Variants in FCRL4 observed in about 807,000 individuals in gnomAD.
FCRL4 encodes Fc receptor-like protein 4.
Under a neutral mutation model 64.1 loss-of-function variants are expected in FCRL4, and 43 were observed. That is an observed-to-expected ratio of 0.67 (90% CI 0.53 to 0.87). The LOEUF (loss-of-function observed/expected upper bound fraction) is 0.87. Among genes scored for constraint, FCRL4 ranks in the 40% least tolerant of loss-of-function variants. The pLI is 0.00. For synonymous variants in FCRL4, 253 were observed against 239.8 expected, an observed-to-expected ratio of 1.05 and a Z score of -0.51; for missense variants, 656 against 613.5, an observed-to-expected ratio of 1.07 and a Z score of -0.73.
intron 5 of FCRL4, 52 bp from the exon 6 acceptor site, chr1:157,586,507 C>A: frequency 6.5e-7 from 1 of 1,533,920 alleles, no homozygotes; most frequent in Non-Finnish European, 8.8e-7. Context: ...GAGGGCAGGG[C>A]TAGGTAGCTG....
rs777448893 is a variant in FCRL4, at chr1:157,596,343, C to T, written c.37G>A (p.Val13Ile). The part of the protein sequence containing the change: ...LWASLLAFAP[V>I]CGQSAAAHKP... ...AAGGACTTACCAGATTGTCCACAGA[C>T]TGGAGCTGAAAGAGAGTAAAGAGCC... is the stretch of plus-strand genomic sequence containing the variant. The change falls in exon 2 of 12, where the codon GTC becomes ATC. Residue 13 changes from valine to isoleucine, a missense_variant. Coordinates refer to ENST00000271532, the MANE Select transcript of FCRL4 (RefSeq NM_031282.3). 1 of 1,614,014 alleles carries T rather than the reference C, an allele frequency of 6.2e-7. No homozygotes were observed. The highest frequency in any genetic ancestry group is 8.5e-7 in the Non-Finnish European group (1 of 1,179,936).
At chr1:157,596,392 C>T in intron 1 of FCRL4, 44 bp from the exon 2 acceptor site, 2 of 1,612,354 alleles carry the variant, frequency 1.2e-6, no homozygotes, top group Non-Finnish European at 1.7e-6. Context: ...GGCGAAGAGT[C>T]CCGAACTATT....
chr1:157,580,363 AAAGAC>A lies in FCRL4; in HGVS notation c.1250-20_1250-16del. On this transcript the variant is annotated splice_polypyrimidine_tract_variant and intron_variant, in intron 7 of 11. Transcript: ENST00000271532. ...GAAACCAACTCCTGCAAAATAAAGC[AAAGAC>A]GCATTTTTGTCAGCAGAGGGAGCTC... 3 of 1,614,144 alleles carry A rather than the reference AAAGAC, an allele frequency of 1.9e-6. No individual in the cohort carries two copies. Among genetic ancestry groups the A allele is most frequent in the Non-Finnish European group, 2.5e-6 (3 of 1,179,992 alleles).
chr1:157,581,787 T>G (rs1652568104), intron 6 of FCRL4, 143 bp from the exon 7 acceptor site: 636 of 627,540 alleles, frequency 1.0e-3, no homozygotes, highest in East Asian at 1.8e-3. Flanking sequence ...TGGGCCAGGT[T>G]TTGGCCAGAA....
At chr1:157,578,352 G>T in intron 10 of FCRL4, 122 bp downstream of exon 10, 1 of 799,712 alleles carries the variant, frequency 1.3e-6, no homozygotes. Context: ...ATTTTTGTCT[G>T]CCTTGTTTAC....
chr1:157,594,235 T>C (rs1192875905), intron 2 of FCRL4, among the ~76,000 whole-genome samples: 1 of 152,228 alleles, frequency 6.6e-6, no homozygotes, highest in Non-Finnish European at 1.5e-5. Context: ...CCCACCTACA[T>C]GATCCAGGTC....
chr1:157,581,717 T>C, intron 6 of FCRL4, 73 bp from the exon 7 acceptor site: 4 of 1,200,838 alleles, frequency 3.3e-6, no homozygotes, highest in Non-Finnish European at 4.8e-6. Flanking sequence ...CTCAGCTTGG[T>C]TGGGTAACGA....
chr1:157,578,988 T>G (rs766382055), intron 8 of FCRL4, 136 bp from the exon 9 acceptor site: 6 of 673,830 alleles, frequency 8.9e-6, no homozygotes, highest in Non-Finnish European at 1.5e-5. Context: ...AAAGCCTGAA[T>G]GGTTTAATCA....
chr1:157,575,832 C>A (rs1652395115), intron 10 of FCRL4, 102 bp from the exon 11 acceptor site: 3 of 1,007,214 alleles, frequency 3.0e-6, no homozygotes, highest in Non-Finnish European at 3.2e-6. Flanking sequence ...TGGGCCCTGT[C>A]CACCTCATCC....
chr1:157,581,425 G>A, intron 7 of FCRL4, 106 bp downstream of exon 7: 1 of 841,772 alleles, frequency 1.2e-6, no homozygotes, highest in East Asian at 2.6e-5. Context: ...GGAGACTTGG[G>A]AGTGGAGACT....
At chr1:157,579,719 C>A (rs1019235392) in intron 8 of FCRL4, among the ~76,000 whole-genome samples, 2 of 138,486 alleles carry the variant, frequency 1.4e-5, no homozygotes, top group African/African-American at 5.8e-5. Context: ...TACATACATA[C>A]ATACATACAT....
chr1:157,579,699 A>AATAC (rs71084243), intron 8 of FCRL4, among the ~76,000 whole-genome samples: 17,924 of 123,156 alleles, frequency 0.15, 1,303 homozygotes, highest in South Asian at 0.3. Context: ...CCTGGGTGAC[A>AATAC]ATACATACAT....
intron 6 of FCRL4, among the ~76,000 whole-genome samples, chr1:157,585,335 T>TC (rs1491498259): frequency 2.3e-5 from 2 of 86,280 alleles, no homozygotes; most frequent in Non-Finnish European, 5.4e-5. Context: ...TCTCTCTTTC[T>TC]TTCTCTCTCT....
intron 2 of FCRL4, among the ~76,000 whole-genome samples, chr1:157,593,695 T>C (rs1184376162): frequency 6.6e-6 from 1 of 152,194 alleles, no homozygotes; most frequent in Admixed American, 6.5e-5. Flanking sequence ...CTTTCTCTAC[T>C]ACCGTTGTAG....
intron 2 of FCRL4, among the ~76,000 whole-genome samples, chr1:157,589,808 CTTG>C (rs143024800): frequency 0.042 from 6,390 of 152,176 alleles, 334 homozygotes; most frequent in African/African-American, 0.12. Context: ...CACCTGGGAT[CTTG>C]TTGTTACAGA....
intron 10 of FCRL4, among the ~76,000 whole-genome samples, chr1:157,578,206 T>G (rs780570124): frequency 2.0e-5 from 3 of 152,156 alleles, no homozygotes; most frequent in Non-Finnish European, 4.4e-5. Flanking sequence ...AAGGGAGACC[T>G]TAGTACATAC....
chr1:157,583,904 A>T (rs1317591813), intron 6 of FCRL4, among the ~76,000 whole-genome samples: 2 of 152,200 alleles, frequency 1.3e-5, no homozygotes, highest in East Asian at 3.9e-4. Flanking sequence ...ACATCACTGG[A>T]TCCTTGACGT....
chr1:157,581,488 G>A lies in FCRL4; in HGVS notation c.1249+43C>T, dbSNP rs781128999. The A allele has an allele frequency of 5.2e-6, 8 of 1,547,528 alleles. No individual in the cohort carries two copies. In the East Asian group the frequency reaches 1.4e-4, roughly 26 times the overall value. The stretch of plus-strand genomic sequence containing the variant: ...GGCTGTCTGCATGCTGAGTTCAGGG[G>A]AAGGAACAGGGCAGGAACTGTGGCA... On this transcript the variant is annotated intron_variant, in intron 7 of 11. Transcript: ENST00000271532.
In FCRL4 at chr1:157,597,960, G is replaced by A. The variant is rs754740850; in HGVS notation, c.-16C>T. ...ACAGCAGCATGGAAGCCTGCTCCAG[G>A]ATTGGAGAAGGAGTTCTGAGGAGAC... On this transcript the variant is annotated 5_prime_UTR_variant, in exon 1 of 12. Coordinates refer to ENST00000271532, the MANE Select transcript of FCRL4 (RefSeq NM_031282.3). 13 of 1,611,628 alleles carry A rather than the reference G, an allele frequency of 8.1e-6. No homozygotes were observed. The highest frequency in any genetic ancestry group is 1.1e-5 in the Non-Finnish European group (13 of 1,178,310).
Sources: gnomAD v4.1 joint callset for allele counts (sites outside exome capture counted in the v4.1 genomes callset) on GRCh38, gnomAD v4.1.1 for gene constraint, MANE v1.5 for transcripts, NCBI Gene and HGNC (gene_info 2026-07-23, HGNC 2026-07-21) for gene names.